Variants in CSMD1 observed in about 807,000 individuals in gnomAD.
The protein encoded by CSMD1 is CUB and Sushi multiple domains 1, also known as CUB and sushi domain-containing protein 1.
In CSMD1, 213 loss-of-function variants were observed where a neutral mutation model predicts 417.5. That is an observed-to-expected ratio of 0.51 (90% CI 0.46 to 0.57). The LOEUF (loss-of-function observed/expected upper bound fraction) is 0.57, where lower values mean the gene tolerates loss of function less well. Ranked by LOEUF, CSMD1 falls within the 20% of genes least tolerant of loss-of-function variation. CSMD1 has a pLI of 0.00. For synonymous variants in CSMD1, 2,862 were observed against 1,736.8 expected (o/e 1.65, Z -16.11); for missense variants, 6,923 against 4,529.7 (o/e 1.53, Z -15.17).
At chr8:4,023,657 G>C (rs1796901815) in intron 4 of CSMD1, among the ~76,000 whole-genome samples, 1 of 150,092 alleles carries the variant, frequency 6.7e-6, no homozygotes, top group South Asian at 2.1e-4. Flanking sequence ...CGCGATCTCG[G>C]CTCACTGCAA....
chr8:4,929,713 G>C (rs1470816962), intron 1 of CSMD1, among the ~76,000 whole-genome samples: 1 of 152,076 alleles, frequency 6.6e-6, no homozygotes, highest in African/African-American at 2.4e-5. Context: ...TTTTTCTGGA[G>C]CCCGCACTTG....
chr8:3,311,835 C>T (rs1805375085), intron 23 of CSMD1, among the ~76,000 whole-genome samples: 1 of 152,066 alleles, frequency 6.6e-6, no homozygotes, highest in African/African-American at 2.4e-5. Flanking sequence ...CATTCATTTT[C>T]CTGTGGGACT....
At chr8:3,316,535 G>GCA (rs140788524) in intron 23 of CSMD1, among the ~76,000 whole-genome samples, 1 of 151,770 alleles carries the variant, frequency 6.6e-6, no homozygotes, top group Non-Finnish European at 1.5e-5. Context: ...GAGCCTTGCG[G>GCA]GAGAGGGTTT....
At chr8:3,846,308 C>G (rs1303381259) in intron 5 of CSMD1, among the ~76,000 whole-genome samples, 1 of 152,126 alleles carries the variant, frequency 6.6e-6, no homozygotes, top group African/African-American at 2.4e-5. Flanking sequence ...TATTCCAGCT[C>G]CATGAGAATC....
chr8:3,136,583 G>C (rs749980379), intron 41 of CSMD1, among the ~76,000 whole-genome samples: 2 of 151,968 alleles, frequency 1.3e-5, no homozygotes, highest in Non-Finnish European at 2.9e-5. Flanking sequence ...TCGGATTTCT[G>C]GTAGCGACGG....
intron 3 of CSMD1, among the ~76,000 whole-genome samples, chr8:4,271,969 C>A (rs950344109): frequency 1.3e-5 from 2 of 152,076 alleles, no homozygotes; most frequent in East Asian, 3.9e-4. Flanking sequence ...CAAAGTCAGC[C>A]CTCCCTATAT....
At chr8:3,673,995 G>C (rs1023681438) in intron 7 of CSMD1, among the ~76,000 whole-genome samples, 3 of 152,128 alleles carry the variant, frequency 2.0e-5, no homozygotes, top group African/African-American at 7.2e-5. Flanking sequence ...GCACATGCCT[G>C]TGGTCCCAGC....
At chr8:3,502,818 T>C (rs11778646) in intron 10 of CSMD1, among the ~76,000 whole-genome samples, 3,425 of 152,178 alleles carry the variant, frequency 0.023, 101 homozygotes, top group East Asian at 0.13. Context: ...ATCCACAGAG[T>C]AAATAGCAGC....
intron 3 of CSMD1, among the ~76,000 whole-genome samples, chr8:4,314,432 G>C (rs535026486): frequency 6.6e-6 from 1 of 152,348 alleles, no homozygotes; most frequent in East Asian, 1.9e-4. Context: ...TCAGGAAGCA[G>C]TATGGGGTGT....
chr8:3,465,899 C>G (rs1408170512), intron 12 of CSMD1, among the ~76,000 whole-genome samples: 1 of 152,120 alleles, frequency 6.6e-6, no homozygotes, highest in African/African-American at 2.4e-5. Flanking sequence ...TCTGGGGAAA[C>G]TATGAGAAAA....
chr8:3,182,840 A>AGGGGTGTG (rs746430415), intron 36 of CSMD1, among the ~76,000 whole-genome samples: 2 of 45,202 alleles, frequency 4.4e-5, no homozygotes, highest in Non-Finnish European at 7.8e-5. Context: ...CTTTATAAGA[A>AGGGGTGTG]GGTGTGTGTG....
At chr8:4,577,465 C>T (rs1470745314) in intron 2 of CSMD1, among the ~76,000 whole-genome samples, 2 of 152,186 alleles carry the variant, frequency 1.3e-5, no homozygotes, top group Non-Finnish European at 2.9e-5. Context: ...TCCAAGCGTG[C>T]TCCCCTCCTT....
chr8:4,783,449 C>A (rs1563372858), intron 1 of CSMD1, among the ~76,000 whole-genome samples: 1 of 152,172 alleles, frequency 6.6e-6, no homozygotes, highest in South Asian at 2.1e-4. Flanking sequence ...TGGTAATCTG[C>A]TGCCCTGGTC....
chr8:3,693,515 A>C (rs538209026), intron 7 of CSMD1, among the ~76,000 whole-genome samples: 1 of 152,282 alleles, frequency 6.6e-6, no homozygotes, highest in African/African-American at 2.4e-5. Flanking sequence ...CTGGAGATTC[A>C]TTTATCCATT....
In CSMD1 at chr8:4,557,783, G is replaced by A. The variant is rs141583198; in HGVS notation, c.302+79559C>T. ...GCATTAAGATGGCACGTAAGTCTCC[G>A]TGCCCCACGTTCAGGTTAGATTTCT... On this transcript the variant is annotated intron_variant, in intron 2 of 69. Transcript: ENST00000635120. 5.9e-4 allele frequency among the ~76,000 whole-genome samples: 90 copies of A among 152,290 alleles called. 2 individuals carry two copies. Among genetic ancestry groups the A allele is most frequent in the East Asian group, 3.9e-4 (2 of 5,184 alleles).
intron 3 of CSMD1, among the ~76,000 whole-genome samples, chr8:4,290,337 A>C (rs1797290837): frequency 6.6e-6 from 1 of 152,230 alleles, no homozygotes; most frequent in Non-Finnish European, 1.5e-5. Context: ...ATTTCTACAC[A>C]GTAATGCTCT....
At chr8:4,432,440 G>C (rs887193187) in intron 2 of CSMD1, among the ~76,000 whole-genome samples, 1 of 152,118 alleles carries the variant, frequency 6.6e-6, no homozygotes, top group African/African-American at 2.4e-5. Flanking sequence ...CTGGTGAAAA[G>C]AAATGGACTA....
intron 12 of CSMD1, among the ~76,000 whole-genome samples, chr8:3,442,301 T>C (rs1265603496): frequency 6.6e-6 from 1 of 152,144 alleles, no homozygotes. Context: ...AAGTTCACAG[T>C]GTTTATAAGT....
At chr8:4,207,060 G>T (rs530110937) in intron 3 of CSMD1, among the ~76,000 whole-genome samples, 2 of 152,058 alleles carry the variant, frequency 1.3e-5, no homozygotes, top group Non-Finnish European at 2.9e-5. Flanking sequence ...ATTTACATTT[G>T]CAAGAGGTGT....
Sources: gnomAD v4.1 joint callset for allele counts (sites outside exome capture counted in the v4.1 genomes callset) on GRCh38, gnomAD v4.1.1 for gene constraint, MANE v1.5 for transcripts, NCBI Gene and HGNC (gene_info 2026-07-23, HGNC 2026-07-21) for gene names.